ASAP1: variants seen among roughly 807,000 people sequenced by gnomAD.
The protein encoded by ASAP1 is arf-GAP with SH3 domain, ANK repeat and PH domain-containing protein 1.
A neutral mutation model predicts 145.2 loss-of-function variants in ASAP1; 43 were observed. That is an observed-to-expected ratio of 0.30 (90% confidence interval 0.23 to 0.38). The LOEUF (loss-of-function observed/expected upper bound fraction) is 0.38, where lower values mean the gene tolerates loss of function less well. ASAP1 is among the 10% of genes least tolerant of loss of function. The pLI is 1.00. For synonymous variants in ASAP1, 546 were observed against 515.5 expected (o/e 1.06, Z -0.80); for missense variants, 1,018 against 1,355.3 (o/e 0.75, Z 3.91).
chr8:130,112,431 C>CT (rs2097548435), intron 23 of ASAP1, 109 bp from the exon 24 acceptor site: 1 of 868,872 alleles, frequency 1.2e-6, no homozygotes, highest in Non-Finnish European at 1.8e-6. Flanking sequence ...CTGTGGCTCT[C>CT]TGAGCTTTAT....
chr8:130,058,153 G>T (rs2135021524), intron 28 of ASAP1, 77 bp from the exon 29 acceptor site: 1 of 1,539,142 alleles, frequency 6.5e-7, no homozygotes, highest in Non-Finnish European at 8.9e-7. Flanking sequence ...TTGTAAAATG[G>T]TTGACCTTGG....
At position 130,118,217 on chromosome 8, in the gene ASAP1, G is replaced by C. The variant is rs371153344; in HGVS notation, c.1824C>G (p.Ala608=). The C allele has an allele frequency of 1.2e-6, 2 of 1,613,730 alleles. No individual in the cohort carries two copies. The highest frequency in any genetic ancestry group is 2.2e-5 in the East Asian group (1 of 44,878). ...GAGATGTCTGATCTGCAGTTCGGAC[G>C]GCAAGGTGAAGGGCTGTCTCCCCAA... ...QELGETALHL[A]VRTADQTSLH... is the part of the protein sequence containing the mutation. Residue 608 remains alanine, a synonymous_variant, in exon 20 of 30, where the codon GCC becomes GCG. Coordinates refer to ENST00000518721, the MANE Select transcript of ASAP1 (RefSeq NM_018482.4).
intron 24 of ASAP1, among the ~76,000 whole-genome samples, chr8:130,097,514 T>C (rs77005580): frequency 0.027 from 4,160 of 152,300 alleles, 70 homozygotes; most frequent in African/African-American, 0.044. Context: ...TGGTTGCCGC[T>C]GAACCTACCT....
chr8:130,381,586 T>A (rs1827772063), intron 2 of ASAP1, among the ~76,000 whole-genome samples: 1 of 152,186 alleles, frequency 6.6e-6, no homozygotes, highest in Non-Finnish European at 1.5e-5. Flanking sequence ...AGGGACAGGA[T>A]GACGCCTGGC....
chr8:130,347,915 A>G (rs147276112), intron 3 of ASAP1, among the ~76,000 whole-genome samples: 40 of 152,260 alleles, frequency 2.6e-4, no homozygotes, highest in African/African-American at 8.7e-4. Flanking sequence ...GCTTTAACCA[A>G]TGTATTTCAT....
intron 25 of ASAP1, among the ~76,000 whole-genome samples, chr8:130,081,365 C>A (rs1287130252): frequency 6.6e-6 from 1 of 152,164 alleles, no homozygotes. Flanking sequence ...GCTGCAGGCA[C>A]CCAGGAGGAT....
intron 3 of ASAP1, among the ~76,000 whole-genome samples, chr8:130,335,992 T>C (rs541813397): frequency 1.3e-5 from 2 of 152,150 alleles, no homozygotes; most frequent in African/African-American, 4.8e-5. Context: ...AATTTCCAAG[T>C]GAGACAGGAA....
chr8:130,284,842 T>TACACACACAC (rs34799517), intron 3 of ASAP1, among the ~76,000 whole-genome samples: 2,844 of 141,588 alleles, frequency 0.02, 42 homozygotes, highest in East Asian at 0.027. Context: ...TTTTACACTC[T>TACACACACAC]ACACACACAC....
At chr8:130,433,004 G>A (rs1009950089) in intron 1 of ASAP1, among the ~76,000 whole-genome samples, 1 of 152,214 alleles carries the variant, frequency 6.6e-6, no homozygotes, top group Non-Finnish European at 1.5e-5. Flanking sequence ...GCAGTATGCT[G>A]CTCAACAGAG....
chr8:130,206,209 G>GGGA (rs1816209236), intron 5 of ASAP1, among the ~76,000 whole-genome samples: 2 of 152,062 alleles, frequency 1.3e-5, no homozygotes, highest in African/African-American at 2.4e-5. Context: ...GGGATACCTG[G>GGGA]TAGATCAAAC....
chr8:130,096,278 A>T (rs1235655818), intron 24 of ASAP1, among the ~76,000 whole-genome samples: 1 of 152,250 alleles, frequency 6.6e-6, no homozygotes, highest in Admixed American at 6.5e-5. Context: ...TCTTTTATGC[A>T]AAATAAATCT....
intron 3 of ASAP1, among the ~76,000 whole-genome samples, chr8:130,334,191 T>C (rs1235116394): frequency 6.6e-6 from 1 of 152,168 alleles, no homozygotes; most frequent in Non-Finnish European, 1.5e-5. Context: ...AGAGTGGACA[T>C]TATCCTATAA....
chr8:130,063,112 G>A (rs116731387), intron 27 of ASAP1, among the ~76,000 whole-genome samples: 115 of 152,302 alleles, frequency 7.6e-4, no homozygotes, highest in African/African-American at 2.7e-3. Flanking sequence ...AAAAAAAGAT[G>A]AAAGATATAC....
rs572601353 is a variant in ASAP1 at position 130,378,542 on chromosome 8, AAC to A, written c.60-20401_60-20400del. Among the ~76,000 whole-genome samples, 3 of 152,312 alleles carry A rather than the reference AAC, an allele frequency of 2.0e-5. No homozygotes were observed. In the South Asian group the frequency reaches 6.2e-4, roughly 32 times the overall value. On this transcript the variant is annotated intron_variant, in intron 2 of 29. Coordinates refer to ENST00000518721, the MANE Select transcript of ASAP1 (RefSeq NM_018482.4). ...ATAGCTCAGTGCAATGAAAACAAATAACACGTGCAGGGAGGGATTGGAGCTGA... is the reference window on the plus strand; with the variant it reads ...ATAGCTCAGTGCAATGAAAACAAATAACGTGCAGGGAGGGATTGGAGCTGA...
At chr8:130,054,869 G>C (rs1250766758) in intron 29 of ASAP1, 64 bp from the exon 30 acceptor site, 2 of 1,320,680 alleles carry the variant, frequency 1.5e-6, no homozygotes, top group African/African-American at 2.9e-5. Flanking sequence ...GACAAACCCA[G>C]TGGGTAAGAG....
intron 13 of ASAP1, among the ~76,000 whole-genome samples, chr8:130,151,844 G>C (rs1186374440): frequency 6.6e-6 from 1 of 152,198 alleles, no homozygotes; most frequent in Non-Finnish European, 1.5e-5. Flanking sequence ...AGAGAGAAAG[G>C]CCACAAGGAC....
chr8:130,117,309 C>T (rs749463880), intron 20 of ASAP1, among the ~76,000 whole-genome samples: 3 of 152,126 alleles, frequency 2.0e-5, no homozygotes, highest in Non-Finnish European at 2.9e-5. Context: ...AACCCTGAAG[C>T]GCAGAGAGGC....
chr8:130,415,004 C>T (rs188911837), intron 1 of ASAP1, among the ~76,000 whole-genome samples: 32 of 152,356 alleles, frequency 2.1e-4, no homozygotes, highest in African/African-American at 7.7e-4. Context: ...GTGATCCCCC[C>T]ACCTTGGCCT....
intron 3 of ASAP1, among the ~76,000 whole-genome samples, chr8:130,283,537 G>A (rs1478977279): frequency 4.5e-5 from 6 of 133,296 alleles, no homozygotes; most frequent in Non-Finnish European, 9.2e-5. Flanking sequence ...AGGAGATCAC[G>A]TCACTGCACC....
Sources: gnomAD v4.1 joint callset for allele counts (sites outside exome capture counted in the v4.1 genomes callset) on GRCh38, gnomAD v4.1.1 for gene constraint, MANE v1.5 for transcripts, NCBI Gene and HGNC (gene_info 2026-07-23, HGNC 2026-07-21) for gene names.